Variants in SORBS2 observed in about 807,000 individuals in gnomAD.
The protein encoded by SORBS2 is sorbin and SH3 domain-containing protein 2.
In SORBS2, 46 loss-of-function variants were observed where a neutral mutation model predicts 97.7. The ratio of observed to expected loss-of-function variants is 0.47; its 90% CI spans 0.37 to 0.60. The LOEUF (loss-of-function observed/expected upper bound fraction) is 0.60. Ranked by LOEUF, SORBS2 falls within the 20% of genes least tolerant of loss-of-function variation. SORBS2 has a pLI of 0.00. For missense variants in SORBS2, 1,316 were observed against 1,282.3 expected, an observed-to-expected ratio of 1.03 and a Z score of -0.40; for synonymous variants, 476 against 473.4, an observed-to-expected ratio of 1.01 and a Z score of -0.07.
intron 1 of SORBS2, among the ~76,000 whole-genome samples, chr4:185,801,057 T>C (rs913321012): frequency 3.9e-5 from 6 of 152,164 alleles, no homozygotes; most frequent in African/African-American, 1.4e-4. Flanking sequence ...CCCCCACCAA[T>C]TCCTGGCAAC....
chr4:185,766,616 T>C (rs77497220), intron 2 of SORBS2, among the ~76,000 whole-genome samples: 5,042 of 152,300 alleles, frequency 0.033, 272 homozygotes, highest in African/African-American at 0.11. Context: ...GAGAGTTACA[T>C]AGTTTTGAAA....
intron 1 of SORBS2, among the ~76,000 whole-genome samples, chr4:185,914,495 C>A (rs2099257000): frequency 6.6e-6 from 1 of 152,236 alleles, no homozygotes; most frequent in East Asian, 1.9e-4. Context: ...AGGTACATAC[C>A]GGAATGTTAT....
At chr4:185,757,200 CT>C in intron 2 of SORBS2, 1 of 339,548 alleles carries the variant, frequency 2.9e-6, no homozygotes, top group Non-Finnish European at 5.6e-6. Context: ...ATCTCAGTGG[CT>C]TTTATTCTGA....
chr4:185,754,894 G>T (rs1010421936), intron 2 of SORBS2, among the ~76,000 whole-genome samples: 1 of 152,230 alleles, frequency 6.6e-6, no homozygotes, highest in Non-Finnish European at 1.5e-5. Context: ...CTACGAGCCA[G>T]AAATTGTCAC....
intron 1 of SORBS2, among the ~76,000 whole-genome samples, chr4:185,942,385 T>C (rs990269129): frequency 2.0e-5 from 3 of 151,640 alleles, no homozygotes; most frequent in African/African-American, 4.8e-5. Flanking sequence ...GAACCTCACT[T>C]TGTCACTCAG....
intron 12 of SORBS2, among the ~76,000 whole-genome samples, chr4:185,604,240 T>C (rs2096352355): frequency 6.6e-6 from 1 of 152,240 alleles, no homozygotes; most frequent in South Asian, 2.1e-4. Context: ...TCAGTATTTA[T>C]GTAACTTCGT....
At chr4:185,856,960 G>A (rs778731472) in intron 1 of SORBS2, among the ~76,000 whole-genome samples, 1 of 152,112 alleles carries the variant, frequency 6.6e-6, no homozygotes, top group African/African-American at 2.4e-5. Flanking sequence ...AAGCTTGGGG[G>A]AAACTGCCCC....
chr4:185,733,260 T>TG, intron 2 of SORBS2, among the ~76,000 whole-genome samples: 1 of 152,236 alleles, frequency 6.6e-6, no homozygotes. Flanking sequence ...AATTTGCTTT[T>TG]GGGGAGATAG....
chr4:185,774,094 A>T (rs867352213), intron 2 of SORBS2: 1 of 152,182 alleles, frequency 6.6e-6, no homozygotes, highest in Non-Finnish European at 1.5e-5. Flanking sequence ...CTTTTCTGAA[A>T]AAAAAGTATT....
At chr4:185,682,533 C>A (rs1176246953) in intron 2 of SORBS2, among the ~76,000 whole-genome samples, 12 of 152,224 alleles carry the variant, frequency 7.9e-5, no homozygotes, top group Non-Finnish European at 1.5e-5. Flanking sequence ...GGCTTGGGAC[C>A]TTTTCTGGAG....
At chr4:185,865,013 C>A (rs1281725718) in intron 1 of SORBS2, among the ~76,000 whole-genome samples, 1 of 151,994 alleles carries the variant, frequency 6.6e-6, no homozygotes, top group Non-Finnish European at 1.5e-5. Context: ...AGAGGAGGAG[C>A]CGATGCTTTG....
intron 1 of SORBS2, among the ~76,000 whole-genome samples, chr4:185,865,127 G>A (rs146485682): frequency 2.0e-3 from 304 of 152,210 alleles, no homozygotes; most frequent in Non-Finnish European, 3.8e-3. Context: ...TTTCTGTTGC[G>A]TTTTCCTGTC....
At chr4:185,707,986 T>A (rs955433588) in intron 2 of SORBS2, among the ~76,000 whole-genome samples, 2 of 152,124 alleles carry the variant, frequency 1.3e-5, no homozygotes, top group African/African-American at 4.8e-5. Flanking sequence ...CTCACAAACA[T>A]CCCTGAGCAC....
intron 12 of SORBS2, among the ~76,000 whole-genome samples, chr4:185,609,466 G>A (rs2096496325): frequency 6.6e-6 from 1 of 152,154 alleles, no homozygotes; most frequent in African/African-American, 2.4e-5. Flanking sequence ...CACCACCACA[G>A]TCACCGAAAT....
chr4:185,927,410 T>C (rs1057026257), intron 1 of SORBS2, among the ~76,000 whole-genome samples: 2 of 151,690 alleles, frequency 1.3e-5, no homozygotes, highest in Non-Finnish European at 2.9e-5. Flanking sequence ...ATGCATTAGG[T>C]ATTTGTCCTA....
chr4:185,853,939 C>T (rs2099219318), intron 1 of SORBS2, among the ~76,000 whole-genome samples: 1 of 152,218 alleles, frequency 6.6e-6, no homozygotes. Flanking sequence ...GTGTTATTCA[C>T]ATGTTACTCT....
intron 2 of SORBS2, among the ~76,000 whole-genome samples, chr4:185,685,802 G>A (rs769758844): frequency 6.6e-6 from 1 of 152,142 alleles, no homozygotes; most frequent in Admixed American, 6.5e-5. Context: ...ATGAGCCACC[G>A]CACCTGGCCT....
At chr4:185,611,441 G>A (rs2096536944) in intron 12 of SORBS2, among the ~76,000 whole-genome samples, 1 of 151,696 alleles carries the variant, frequency 6.6e-6, no homozygotes, top group East Asian at 1.9e-4. Flanking sequence ...TAAAAATGAA[G>A]CTTTAGGAAA....
At chr4:185,749,513 A>G (rs1230657503) in intron 2 of SORBS2, among the ~76,000 whole-genome samples, 3 of 152,226 alleles carry the variant, frequency 2.0e-5, no homozygotes, top group African/African-American at 7.2e-5. Context: ...CAATTAATCA[A>G]TCACACAGAC....
Sources: allele counts gnomAD v4.1 joint callset (sites outside exome capture counted in the v4.1 genomes callset), GRCh38; gene constraint gnomAD v4.1.1; transcripts MANE v1.5; gene names NCBI Gene and HGNC (gene_info 2026-07-23, HGNC 2026-07-21).